Variants in ANXA8 observed in about 807,000 individuals in gnomAD.
The protein encoded by ANXA8 is VAC-beta.
ANXA8 carries 9 observed loss-of-function variants against 26.8 expected under a neutral mutation model. That is an observed-to-expected ratio of 0.34 (90% CI 0.20 to 0.59). The LOEUF (loss-of-function observed/expected upper bound fraction) is 0.59. Ranked by LOEUF, ANXA8 falls within the 20% of genes least tolerant of loss-of-function variation. The pLI is 0.84. For missense variants in ANXA8, 83 were observed against 238.5 expected, an observed-to-expected ratio of 0.35 and a Z score of 4.29; for synonymous variants, 39 against 94.8, an observed-to-expected ratio of 0.41 and a Z score of 3.42.
At chr10:47,678,500 T>C in the ANXA8 span, among the ~76,000 whole-genome samples, 1 of 144,272 alleles carries the variant, frequency 6.9e-6, no homozygotes, top group African/African-American at 2.6e-5. Context: ...AAATACCAGA[T>C]ATAATATCCA....
At chr10:47,941,932 G>A in the ANXA8 span, among the ~76,000 whole-genome samples, 1 of 147,814 alleles carries the variant, frequency 6.8e-6, no homozygotes, top group Non-Finnish European at 1.5e-5. Flanking sequence ...ATCATGTAGT[G>A]AAAGATAAGA....
chr10:47,558,756 C>A, the ANXA8 span, among the ~76,000 whole-genome samples: 1 of 151,834 alleles, frequency 6.6e-6, no homozygotes. Flanking sequence ...CTCTTCCTTC[C>A]TCCCCCTAGT....
chr10:47,759,743 G>A, the ANXA8 span: 1 of 1,046,352 alleles, frequency 9.6e-7, no homozygotes, highest in South Asian at 1.4e-5. Flanking sequence ...GGGGGCTGCA[G>A]GTCTCCGAGG....
At chr10:47,633,734 A>C in the ANXA8 span, among the ~76,000 whole-genome samples, 1 of 147,206 alleles carries the variant, frequency 6.8e-6, no homozygotes, top group South Asian at 2.1e-4. Context: ...TGCTAGTTCA[A>C]CTTTTTTAAA....
chr10:47,749,145 G>C, the ANXA8 span, among the ~76,000 whole-genome samples: 1 of 87,002 alleles, frequency 1.1e-5, no homozygotes, highest in East Asian at 3.3e-4. Flanking sequence ...GAGGTGGGAG[G>C]ACTGCTTGAA....
chr10:47,744,407 CT>C, the ANXA8 span, among the ~76,000 whole-genome samples: 2 of 6,362 alleles, frequency 3.1e-4, no homozygotes, highest in African/African-American at 1.0e-3. Context: ...GGGAAGGCTC[CT>C]GGTGGGGGGG....
the ANXA8 span, among the ~76,000 whole-genome samples, chr10:47,509,144 C>T: frequency 7.4e-6 from 1 of 135,298 alleles, no homozygotes; most frequent in Non-Finnish European, 1.5e-5. Context: ...AAATTAGTTT[C>T]AGCAAAATTA....
At chr10:47,488,712 AATTTTTT>A (rs1393658972), upstream of ANXA8, among the ~76,000 whole-genome samples, 57 of 95,944 alleles carry the variant, frequency 5.9e-4, no homozygotes, top group African/African-American at 2.2e-3. Flanking sequence ...TTACATGTTA[AATTTTTT>A]TTTTTTTTTT....
the ANXA8 span, among the ~76,000 whole-genome samples, chr10:47,960,139 G>GT: frequency 6.7e-3 from 1,003 of 148,732 alleles, 9 homozygotes; most frequent in Middle Eastern, 0.01. Flanking sequence ...ACAAATTATT[G>GT]TTTTAAGCCA....
At chr10:47,944,864 A>ACC in the ANXA8 span, among the ~76,000 whole-genome samples, 1 of 78,908 alleles carries the variant, frequency 1.3e-5, no homozygotes, top group Non-Finnish European at 2.5e-5. Context: ...GGCCCCACCC[A>ACC]CCCCCACCCC....
At chr10:47,695,006 A>G in the ANXA8 span, among the ~76,000 whole-genome samples, 4 of 151,954 alleles carry the variant, frequency 2.6e-5, no homozygotes, top group East Asian at 1.9e-4. Flanking sequence ...TCCATGCACC[A>G]CTAGTGATTA....
the ANXA8 span, among the ~76,000 whole-genome samples, chr10:47,628,296 T>C: frequency 6.6e-6 from 1 of 152,122 alleles, no homozygotes; most frequent in Non-Finnish European, 1.5e-5. Context: ...CTTTTTTGTA[T>C]TGTTAACAAG....
the ANXA8 span, among the ~76,000 whole-genome samples, chr10:47,733,199 T>TTCTTTCTTTCTTTCTCTCTCTCTCTC: frequency 1.8e-5 from 2 of 112,476 alleles, 1 homozygote; most frequent in South Asian, 6.6e-4. Flanking sequence ...CTTTCTTTCT[T>TTCTTTCTTTCTTTCTCTCTCTCTCTC]TCTTTCTTTC....
At chr10:47,906,817 CT>C in the ANXA8 span, among the ~76,000 whole-genome samples, 1 of 85,620 alleles carries the variant, frequency 1.2e-5, no homozygotes, top group Non-Finnish European at 2.3e-5. Flanking sequence ...TTCGATTTGC[CT>C]TTTGTAAAGT....
chr10:47,767,053 CAATTAACCTTAAG>C, the ANXA8 span, among the ~76,000 whole-genome samples: 1 of 139,794 alleles, frequency 7.2e-6, no homozygotes, highest in Non-Finnish European at 1.6e-5. Context: ...AGGCCACTTT[CAATTAACCTTAAG>C]AATCATCCCT....
chr10:47,746,961 G>A, the ANXA8 span, among the ~76,000 whole-genome samples: 1 of 124,084 alleles, frequency 8.1e-6, no homozygotes, highest in African/African-American at 3.0e-5. Flanking sequence ...TTCTGCTTGA[G>A]GCAGACCAAC....
At chr10:47,734,744 C>T in the ANXA8 span, among the ~76,000 whole-genome samples, 1 of 135,002 alleles carries the variant, frequency 7.4e-6, no homozygotes, top group East Asian at 2.3e-4. Flanking sequence ...TAAGGCCAGG[C>T]ACAGTGGCTC....
At chr10:47,949,295 T>C in the ANXA8 span, among the ~76,000 whole-genome samples, 1 of 148,648 alleles carries the variant, frequency 6.7e-6, no homozygotes, top group African/African-American at 2.5e-5. Context: ...TAATAGTCCA[T>C]GGCATGATCT....
the ANXA8 span, among the ~76,000 whole-genome samples, chr10:47,697,106 TA>T: frequency 5.9e-5 from 9 of 151,836 alleles, no homozygotes; most frequent in South Asian, 4.2e-4. Context: ...TAAAATGACA[TA>T]AAAAAAAGAA....
Sources: gnomAD v4.1 joint callset for allele counts (sites outside exome capture counted in the v4.1 genomes callset) on GRCh38, gnomAD v4.1.1 for gene constraint, MANE v1.5 for transcripts, NCBI Gene and HGNC (gene_info 2026-07-23, HGNC 2026-07-21) for gene names.